Variants in HERC3 observed in about 807,000 individuals in gnomAD.
HERC3 encodes the protein probable E3 ubiquitin-protein ligase HERC3.
HERC3 carries 58 observed loss-of-function variants against 129.9 expected under a neutral mutation model. The ratio of observed to expected loss-of-function variants is 0.45; its 90% CI spans 0.36 to 0.56. HERC3 has a LOEUF of 0.56. Ranked by LOEUF, HERC3 falls within the 20% of genes least tolerant of loss-of-function variation. HERC3 has a pLI of 0.00. For synonymous variants in HERC3, 430 were observed against 451.0 expected, an observed-to-expected ratio of 0.95 and a Z score of 0.59; for missense variants, 835 against 1,244.2, an observed-to-expected ratio of 0.67 and a Z score of 4.95.
At chr4:88,664,247 G>T in intron 12 of HERC3, 35 bp downstream of exon 12, 2 of 1,533,852 alleles carry the variant, frequency 1.3e-6, no homozygotes, top group Non-Finnish European at 1.8e-6. Flanking sequence ...ACCCTCACGT[G>T]TACCTGTAGT....
At chr4:88,633,130 CA>C (rs1726960044) in intron 3 of HERC3, among the ~76,000 whole-genome samples, 1 of 152,108 alleles carries the variant, frequency 6.6e-6, no homozygotes, top group African/African-American at 2.4e-5. Context: ...CTGTATCCAG[CA>C]AAAATAGCCT....
At position 88,653,941 on chromosome 4, in the gene HERC3, G is replaced by A. The variant is rs1013113786; in HGVS notation, c.686-101G>A. 34 of 806,992 alleles carry A rather than the reference G, an allele frequency of 4.2e-5. No individual in the cohort carries two copies. In the Middle Eastern group the frequency reaches 2.1e-3, roughly 50 times the overall value. The allele number at this position is 806,992 out of a possible 1,614,324, so 50.0% of individuals were successfully genotyped here. On this transcript the variant is annotated intron_variant, in intron 6 of 25. Transcript: ENST00000402738. ...CAGATGCAGGCAGGAAACTGAACAT[G>A]CGTCAGGAATCCAGGAATCCAAAAT...
chr4:88,607,503 G>T (rs377260590), intron 3 of HERC3, among the ~76,000 whole-genome samples: 1 of 151,342 alleles, frequency 6.6e-6, no homozygotes, highest in African/African-American at 2.4e-5. Context: ...TGGCTCTGTC[G>T]CCCAGGCTGG....
intron 9 of HERC3, 43 bp downstream of exon 9, chr4:88,656,078 T>C: frequency 6.3e-7 from 1 of 1,586,032 alleles, no homozygotes; most frequent in Middle Eastern, 1.7e-4. Flanking sequence ...TTTTAAGTGA[T>C]GAAAACAGTT....
chr4:88,610,630 G>T (rs1658668429), intron 3 of HERC3, among the ~76,000 whole-genome samples: 1 of 152,076 alleles, frequency 6.6e-6, no homozygotes, highest in African/African-American at 2.4e-5. Flanking sequence ...CTGTGGCTTG[G>T]TCTTCTATCA....
rs1029700008 is a variant in HERC3, at chr4:88,660,765, T to C, written c.1147-1666T>C. Among the ~76,000 whole-genome samples the C allele has an allele frequency of 5.3e-5, 8 of 152,110 alleles. 1 individual carries two copies. The South Asian group carries it at 1.2e-3, about 24-fold the overall frequency. ...GTGTGTGTCTATCTCATAATCTTCT[T>C]TTTCCTGGAACAGTGATTCTTAACC... On this transcript the variant is annotated intron_variant, in intron 10 of 25. Transcript: ENST00000402738.
the HERC3 span, among the ~76,000 whole-genome samples, chr4:88,580,092 G>A: frequency 2.6e-5 from 4 of 151,494 alleles, no homozygotes; most frequent in Non-Finnish European, 4.4e-5. Context: ...GCAGCAATAG[G>A]AAACCAATAA....
At chr4:88,553,638 G>A in the HERC3 span, among the ~76,000 whole-genome samples, 1 of 152,072 alleles carries the variant, frequency 6.6e-6, no homozygotes, top group South Asian at 2.1e-4. Flanking sequence ...AATGCAATTA[G>A]CATTCACTAA....
upstream of HERC3, among the ~76,000 whole-genome samples, chr4:88,590,906 GACA>G (rs1721667888): frequency 7.3e-6 from 1 of 137,756 alleles, no homozygotes; most frequent in Non-Finnish European, 1.5e-5. Flanking sequence ...TTTTTTTTGA[GACA>G]ACGTTTCATT....
intron 16 of HERC3, among the ~76,000 whole-genome samples, chr4:88,671,994 A>G (rs114272038): frequency 1.7e-3 from 258 of 152,322 alleles, no homozygotes; most frequent in African/African-American, 5.9e-3. Context: ...CTGAATAATA[A>G]CATTATGAGC....
At chr4:88,620,092 T>C (rs917850108) in intron 3 of HERC3, among the ~76,000 whole-genome samples, 1 of 152,208 alleles carries the variant, frequency 6.6e-6, no homozygotes, top group African/African-American at 2.4e-5. Flanking sequence ...TGTTAATATA[T>C]AGCATAAGGA....
intron 1 of HERC3, among the ~76,000 whole-genome samples, chr4:88,593,936 G>A (rs568440815): frequency 3.9e-4 from 59 of 152,310 alleles, no homozygotes; most frequent in African/African-American, 1.3e-3. Context: ...TACATGGATT[G>A]CATATCCTAA....
chr4:88,676,388 A>G lies in HERC3; in HGVS notation c.1990A>G (p.Lys664Glu). 1.2e-6 allele frequency: 2 copies of G among 1,612,208 alleles called. No homozygotes were observed. The highest frequency in any genetic ancestry group is 1.7e-6 in the Non-Finnish European group (2 of 1,178,336). Reference protein sequence around the residue: ...PFIFDAQAKTKMLQTDAELQM... With the variant: ...PFIFDAQAKTEMLQTDAELQM... ...CATCTTTGATGCCCAAGCCAAGACC[A>G]AAATGTTACAGACAGATGCTGAACT... The change falls in exon 18 of 26, where the codon AAA (lysine) becomes GAA (glutamate). Residue 664 changes from lysine to glutamate, a missense_variant. Coordinates refer to ENST00000402738, the MANE Select transcript of HERC3 (RefSeq NM_014606.3).
chr4:88,697,943 G>A (rs1734840056), intron 23 of HERC3: 5 of 720,718 alleles, frequency 6.9e-6, no homozygotes, highest in Non-Finnish European at 1.1e-5. Context: ...ACGGCCGTGT[G>A]CTCATACTGC....
the HERC3 span, among the ~76,000 whole-genome samples, chr4:88,540,109 A>G: frequency 6.6e-6 from 1 of 152,258 alleles, no homozygotes; most frequent in Non-Finnish European, 1.5e-5. Flanking sequence ...TGACAGAAGT[A>G]GGCTTCAGAA....
intron 10 of HERC3, among the ~76,000 whole-genome samples, chr4:88,662,026 A>G (rs1416753637): frequency 6.6e-6 from 1 of 151,938 alleles, no homozygotes; most frequent in Non-Finnish European, 1.5e-5. Context: ...TGCTTTCTAG[A>G]AGAACATCTA....
chr4:88,678,270 A>C (rs2604227), intron 19 of HERC3, 136 bp downstream of exon 19: 657,869 of 665,548 alleles, frequency 0.99, 325,164 homozygotes, highest in East Asian at 1. Context: ...TTAATCACCT[A>C]CTTTTGTCAA....
chr4:88,568,217 G>T, the HERC3 span, among the ~76,000 whole-genome samples: 1 of 152,180 alleles, frequency 6.6e-6, no homozygotes, highest in Admixed American at 6.5e-5. Flanking sequence ...ATGACCACTG[G>T]ATCAGACCTG....
intron 3 of HERC3, among the ~76,000 whole-genome samples, chr4:88,612,354 A>G (rs561421524): frequency 6.6e-6 from 1 of 151,284 alleles, no homozygotes; most frequent in Non-Finnish European, 1.5e-5. Flanking sequence ...TCAAAGATAC[A>G]TCAAATTCTG....
Sources: allele counts gnomAD v4.1 joint callset (sites outside exome capture counted in the v4.1 genomes callset), GRCh38; gene constraint gnomAD v4.1.1; transcripts MANE v1.5; gene names NCBI Gene and HGNC (gene_info 2026-07-23, HGNC 2026-07-21).